The following SNX16 variants were observed in gnomAD, a reference collection of about 807,000 sequenced individuals.
SNX16 encodes the protein sorting nexin 16, also known as sorting nexin-16.
A neutral mutation model predicts 36.7 loss-of-function variants in SNX16; 35 were observed. That is an observed-to-expected ratio of 0.95 (90% CI 0.73 to 1.27). SNX16 has a LOEUF of 1.27. Among genes scored for constraint, SNX16 ranks in the 50% most tolerant of loss-of-function variants. The pLI is 0.00. For missense variants in SNX16, 367 were observed against 393.6 expected, an observed-to-expected ratio of 0.93 and a Z score of 0.57; for synonymous variants, 134 against 132.0, an observed-to-expected ratio of 1.02 and a Z score of -0.10.
chr8:81,829,535 A>T lies in SNX16; in HGVS notation c.376-19T>A. ...TATATACCTATGCACAGGAAGAAAA[A>T]CAGACGGAGAGAAAAATATAAAAGT... On this transcript the variant is annotated intron_variant, in intron 2 of 7. Coordinates refer to ENST00000345957, the MANE Select transcript of SNX16 (RefSeq NM_152836.3). The T allele has an allele frequency of 9.2e-7, 1 of 1,083,794 alleles. No homozygotes were observed. The highest frequency in any genetic ancestry group is 1.3e-6 in the Non-Finnish European group (1 of 793,316). 67.1% of individuals were successfully genotyped at this position (1,083,794 alleles called of 1,614,324 possible).
chr8:81,819,686 CTAAA>C (rs1295710307), intron 4 of SNX16, among the ~76,000 whole-genome samples: 2 of 151,844 alleles, frequency 1.3e-5, no homozygotes, highest in Non-Finnish European at 2.9e-5. Flanking sequence ...ATAGTAAGCT[CTAAA>C]TAAATATTTA....
intron 4 of SNX16, 85 bp from the exon 5 acceptor site, chr8:81,815,479 C>G: frequency 1.8e-6 from 2 of 1,085,278 alleles, no homozygotes; most frequent in East Asian, 2.6e-5. Context: ...TGAAGCTGTA[C>G]AGTGTTTTAA....
rs142012290 is a variant in SNX16 at position 81,805,435 on chromosome 8, A to C, written c.682-2207T>G. Among the ~76,000 whole-genome samples the C allele has an allele frequency of 6.6e-5, 10 of 152,296 alleles. No homozygotes were observed. The East Asian group carries it at 1.9e-3, about 29-fold the overall frequency. ...GAAGTCAAAGAACATACTAAAACCA[A>C]GTATAAGAAAGGAATTAAGAGACAG... On this transcript the variant is annotated intron_variant, in intron 5 of 7. Transcript: ENST00000345957.
intron 2 of SNX16, among the ~76,000 whole-genome samples, chr8:81,830,579 TAAAAAAAAAAAAA>T (rs752827905): frequency 2.2e-5 from 2 of 90,222 alleles, no homozygotes; most frequent in Admixed American, 2.5e-4. Flanking sequence ...GTCTAGGGGG[TAAAAAAAAAAAAA>T]AAAAAAAAAG....
At chr8:81,811,093 T>C (rs542786439) in intron 5 of SNX16, among the ~76,000 whole-genome samples, 1 of 152,338 alleles carries the variant, frequency 6.6e-6, no homozygotes, top group African/African-American at 2.4e-5. Flanking sequence ...ATAAAAATCC[T>C]GGAATCCTTG....
intron 2 of SNX16, among the ~76,000 whole-genome samples, chr8:81,830,971 A>T (rs1446361602): frequency 6.6e-6 from 1 of 152,206 alleles, no homozygotes; most frequent in Non-Finnish European, 1.5e-5. Context: ...GCACACCTAC[A>T]GCCATCTGTT....
Position 81,829,437 on chromosome 8 carries a change from T to C in SNX16, c.455A>G (p.Asn152Ser), listed in dbSNP as rs1373592072. ...ATTTATTATAGTACTTACTTTGTCA[T>C]TAAGCCTAGAGAAGTCAGTGTATCT... ...FRRYTDFSRL[N>S]DKLKEMFPGF... Residue 152 changes from asparagine (N) to serine (S), a missense_variant, in exon 3 of 8, where the codon AAT (asparagine) becomes AGT (serine). Physicochemically the swap from Asn to Ser is conservative, Grantham distance 46. Transcript: ENST00000345957. The C allele has an allele frequency of 2.9e-6, 4 of 1,392,064 alleles. No homozygotes were observed. Among genetic ancestry groups the C allele is most frequent in the Non-Finnish European group, 2.8e-6 (3 of 1,058,986 alleles). The allele number at this position is 1,392,064 out of a possible 1,614,324, so 86.2% of individuals were successfully genotyped here. A position where few individuals can be genotyped will look rare whatever the true frequency, so the allele number is the denominator to read the frequency against.
chr8:81,808,941 T>A (rs1352412214), intron 5 of SNX16, among the ~76,000 whole-genome samples: 2 of 152,118 alleles, frequency 1.3e-5, no homozygotes, highest in African/African-American at 4.8e-5. Context: ...TATTTTAGTT[T>A]CTGTTCTGTG....
At chr8:81,831,099 T>C (rs1334313655) in intron 2 of SNX16, among the ~76,000 whole-genome samples, 3 of 152,162 alleles carry the variant, frequency 2.0e-5, no homozygotes, top group Admixed American at 6.5e-5. Context: ...TCTTTCACTA[T>C]ATACAAAAAT....
chr8:81,805,587 C>T (rs1809894079), intron 5 of SNX16, among the ~76,000 whole-genome samples: 2 of 152,098 alleles, frequency 1.3e-5, no homozygotes, highest in African/African-American at 4.8e-5. Flanking sequence ...GGATATATAA[C>T]TAAAGATATG....
Position 81,835,213 on chromosome 8 carries a change from G to C in SNX16, c.375+4399C>G, listed in dbSNP as rs942079257. On this transcript the variant is annotated intron_variant, in intron 2 of 7. Coordinates refer to ENST00000345957, the MANE Select transcript of SNX16 (RefSeq NM_152836.3). ...CCTGTCAGCCATGGCTGGAGCGGCT[G>C]GGACGCAGGGCACCAAGCCTCTAGG... 3.5e-4 allele frequency among the ~76,000 whole-genome samples: 53 copies of C among 152,310 alleles called. 1 individual carries two copies. The highest frequency in any genetic ancestry group is 1.2e-3 in the African/African-American group (51 of 41,582).
At chr8:81,805,904 G>C (rs139636949) in intron 5 of SNX16, among the ~76,000 whole-genome samples, 1,850 of 151,926 alleles carry the variant, frequency 0.012, 34 homozygotes, top group African/African-American at 0.043. Flanking sequence ...CTGGGCCACA[G>C]AGCAAGACTC....
intron 3 of SNX16, among the ~76,000 whole-genome samples, chr8:81,828,496 T>G (rs1351806451): frequency 4.6e-5 from 7 of 152,222 alleles, no homozygotes; most frequent in Non-Finnish European, 1.5e-5. Context: ...TAATTTAGTT[T>G]TAAGGGTTCT....
In SNX16 at chr8:81,833,396, G is replaced by GT. The variant is rs568234345; in HGVS notation, c.376-3881dup. On this transcript the variant is annotated intron_variant, in intron 2 of 7. Coordinates refer to ENST00000345957, the MANE Select transcript of SNX16 (RefSeq NM_152836.3). ...TAAGGATAAATCCTTTAGCTTTGAAGTTTAAAAAAATAAAGCAATTTATCT... is the reference window on the plus strand; with the variant it reads ...TAAGGATAAATCCTTTAGCTTTGAAGTTTTAAAAAAATAAAGCAATTTATCT... Among the ~76,000 whole-genome samples, 12 of 139,946 alleles carry GT rather than the reference G, an allele frequency of 8.6e-5. No individual in the cohort carries two copies. The South Asian group carries it at 2.7e-3, about 31-fold the overall frequency. 91.8% of individuals were successfully genotyped at this position (139,946 alleles called of 152,430 possible).
chr8:81,829,298 A>T (rs1255808054), intron 3 of SNX16, 132 bp downstream of exon 3: 4 of 224,500 alleles, frequency 1.8e-5, no homozygotes, highest in Non-Finnish European at 2.3e-5. Flanking sequence ...TTAAAAATTT[A>T]TTTAAAAAAT....
chr8:81,826,021 AT>A (rs921861928), intron 3 of SNX16, among the ~76,000 whole-genome samples: 28 of 139,430 alleles, frequency 2.0e-4, no homozygotes, highest in East Asian at 6.8e-4. Flanking sequence ...AAATGGTTAG[AT>A]TTTTTTTTTC....
chr8:81,824,070 CT>C, intron 3 of SNX16, 130 bp from the exon 4 acceptor site: 1 of 817,628 alleles, frequency 1.2e-6, no homozygotes, highest in Non-Finnish European at 1.8e-6. Context: ...TTCAGTTAAG[CT>C]TTTTATGCCT....
At chr8:81,828,472 G>A (rs1024644007) in intron 3 of SNX16, among the ~76,000 whole-genome samples, 5 of 151,950 alleles carry the variant, frequency 3.3e-5, no homozygotes, top group African/African-American at 1.2e-4. Flanking sequence ...TTTTTACTTT[G>A]GGGTTCACTT....
chr8:81,810,169 A>G (rs1193895865), intron 5 of SNX16, among the ~76,000 whole-genome samples: 1 of 152,162 alleles, frequency 6.6e-6, no homozygotes, highest in Non-Finnish European at 1.5e-5. Flanking sequence ...ATGTTAATAC[A>G]GTAAGACCTC....
Sources: allele counts gnomAD v4.1 joint callset (sites outside exome capture counted in the v4.1 genomes callset), GRCh38; gene constraint gnomAD v4.1.1; transcripts MANE v1.5; gene names NCBI Gene and HGNC (gene_info 2026-07-23, HGNC 2026-07-21).